The following GLRA3 variants were observed in gnomAD, a reference collection of about 807,000 sequenced individuals.
The protein encoded by GLRA3 is glycine receptor alpha 3.
Under a neutral mutation model 60.4 loss-of-function variants are expected in GLRA3, and 44 were observed. The observed-to-expected ratio is 0.73, with a 90% CI of 0.57 to 0.94. The LOEUF (loss-of-function observed/expected upper bound fraction) is 0.94. Among genes scored for constraint, GLRA3 ranks in the 40% least tolerant of loss-of-function variants. GLRA3 has a pLI of 0.00. For synonymous variants in GLRA3, 223 were observed against 192.9 expected, an observed-to-expected ratio of 1.16 and a Z score of -1.29; for missense variants, 508 against 564.6, an observed-to-expected ratio of 0.90 and a Z score of 1.02.
rs1735436724 is a variant in GLRA3 at position 174,704,320 on chromosome 4, TA to T, written c.574+11167del. ...AAAAAATGGTGACAGCTCTGAGTAG[TA>T]AAGAATAGCAGCAAATGGCAGGATC... is the stretch of plus-strand genomic sequence containing the variant. On this transcript the variant is annotated intron_variant, in intron 5 of 9. Transcript: ENST00000274093. 1.4e-5 allele frequency among the ~76,000 whole-genome samples: 2 copies of T among 142,748 alleles called. 1 individual carries two copies. The highest frequency in any genetic ancestry group is 3.1e-5 in the Non-Finnish European group (2 of 64,384). 93.6% of individuals were successfully genotyped at this position (142,748 alleles called of 152,430 possible). A position where few individuals can be genotyped will look rare whatever the true frequency, so the allele number is the denominator to read the frequency against.
chr4:174,759,330 C>T (rs1231558860), intron 3 of GLRA3, among the ~76,000 whole-genome samples: 1 of 150,656 alleles, frequency 6.6e-6, no homozygotes, highest in African/African-American at 2.4e-5. Context: ...TAAAAAATAA[C>T]TAAAAGGTTA....
rs1481880859 is a variant in GLRA3 at position 174,677,289 on chromosome 4, T to C, written c.716A>G (p.Lys239Arg). The C allele has an allele frequency of 1.3e-6, 2 of 1,587,260 alleles. No homozygotes were observed. The change falls in exon 7 of 10, where the codon AAG becomes AGG. Residue 239 changes from lysine (K) to arginine (R), a missense_variant. By Grantham distance (26) the Lys-to-Arg change is conservative. Around this residue, in one of 3 missense-constraint regions of GLRA3, gnomAD observed 329 missense variants for 349.3 expected, o/e 0.94. Coordinates refer to ENST00000274093, the MANE Select transcript of GLRA3 (RefSeq NM_006529.4). ...RYCTKHYNTG[K>R]FTCIEVRFHL... ...GAATCGCACTTCTATACACGTAAAC[T>C]TTCCTAATTGGTGGTAAGGTAAATA...
chr4:174,675,897 T>C (rs1734099729), intron 7 of GLRA3, among the ~76,000 whole-genome samples: 2 of 152,148 alleles, frequency 1.3e-5, no homozygotes, highest in Admixed American at 1.3e-4. Flanking sequence ...TAGAATGAAC[T>C]AATAGAAAGG....
intron 7 of GLRA3, among the ~76,000 whole-genome samples, chr4:174,673,556 G>GGTA (rs1296442636): frequency 6.6e-6 from 1 of 152,066 alleles, no homozygotes; most frequent in Non-Finnish European, 1.5e-5. Flanking sequence ...TCTGTTTATG[G>GGTA]GTAGGGATAG....
intron 5 of GLRA3, 31 bp downstream of exon 5, chr4:174,715,457 G>C: frequency 1.0e-6 from 1 of 991,726 alleles, no homozygotes; most frequent in Non-Finnish European, 1.6e-6. Context: ...TAATGTAAAA[G>C]TATTTTAAAA....
intron 1 of GLRA3, among the ~76,000 whole-genome samples, chr4:174,822,745 T>C (rs1273150132): frequency 1.3e-5 from 2 of 152,190 alleles, no homozygotes; most frequent in African/African-American, 4.8e-5. Flanking sequence ...TCATGGAGAA[T>C]TCTTCATCGC....
At position 174,773,456 on chromosome 4, in the gene GLRA3, G is replaced by GA. The variant is rs555210995; in HGVS notation, c.200-6427dup. ...AAAAATTGTTCACTAGGCAGACCTA[G>GA]AGCAAGTAAGAAAACAAACAAACAA... On this transcript the variant is annotated intron_variant, in intron 2 of 9. Transcript: ENST00000274093. 8.6e-3 allele frequency among the ~76,000 whole-genome samples: 1,152 copies of GA among 133,348 alleles called. 18 individuals carry two copies. Among genetic ancestry groups the GA allele is most frequent in the African/African-American group, 0.029 (1,117 of 38,474 alleles). 87.5% of individuals were successfully genotyped at this position (133,348 alleles called of 152,430 possible). A position where few individuals can be genotyped will look rare whatever the true frequency, so the allele number is the denominator to read the frequency against.
At chr4:174,719,185 G>C (rs867723011) in intron 4 of GLRA3, among the ~76,000 whole-genome samples, 16 of 151,522 alleles carry the variant, frequency 1.1e-4, no homozygotes, top group East Asian at 3.9e-4. Context: ...GGATGGTCTC[G>C]ATCTCCTGAC....
At chr4:174,692,902 T>C (rs1734910465) in intron 5 of GLRA3, among the ~76,000 whole-genome samples, 3 of 150,158 alleles carry the variant, frequency 2.0e-5, no homozygotes, top group African/African-American at 7.4e-5. Context: ...CCCTGCCAAA[T>C]TCCCCTCTGC....
At chr4:174,685,134 A>G (rs947824174) in intron 5 of GLRA3, among the ~76,000 whole-genome samples, 4 of 152,202 alleles carry the variant, frequency 2.6e-5, no homozygotes, top group African/African-American at 9.6e-5. Context: ...AGAAGAGGCT[A>G]TGTGAGTGAC....
chr4:174,644,196 TAAAG>T, intron 9 of GLRA3, 132 bp from the exon 10 acceptor site: 1 of 627,484 alleles, frequency 1.6e-6, no homozygotes, highest in Non-Finnish European at 2.8e-6. Flanking sequence ...CCGAAGCATA[TAAAG>T]ATGAATTGGT....
intron 5 of GLRA3, among the ~76,000 whole-genome samples, chr4:174,690,790 C>T (rs11942827): frequency 0.43 from 64,592 of 151,972 alleles, 14,237 homozygotes; most frequent in Middle Eastern, 0.54. Flanking sequence ...ATTAGTTTGC[C>T]AAGGATAATA....
intron 1 of GLRA3, among the ~76,000 whole-genome samples, chr4:174,826,624 A>T (rs1389991019): frequency 1.3e-5 from 2 of 152,228 alleles, no homozygotes; most frequent in African/African-American, 4.8e-5. Flanking sequence ...TGACATAAAA[A>T]GTCTGTACTA....
At chr4:174,821,293 G>A (rs1438486226) in intron 1 of GLRA3, among the ~76,000 whole-genome samples, 3 of 152,092 alleles carry the variant, frequency 2.0e-5, no homozygotes, top group African/African-American at 7.2e-5. Context: ...ATGCTTTTAA[G>A]GCTAACTTAT....
chr4:174,643,915 G>A lies in GLRA3; in HGVS notation c.1266C>T (p.Ile422=), dbSNP rs142571571. Residue 422 remains isoleucine (I), a synonymous_variant, in exon 10 of 10, where the codon ATC becomes ATT. Transcript: ENST00000274093. ...KSPDEMRKVF[I]DRAKKIDTIS... ...TGGTATCAATCTTCTTGGCCCGGTC[G>A]ATAAAGACCTTCCTCATTTCATCAG... 8.2e-5 allele frequency: 133 copies of A among 1,614,030 alleles called. 1 individual carries two copies. In the African/African-American group the frequency reaches 1.6e-3, roughly 19 times the overall value.
At chr4:174,808,700 G>A (rs1740145165) in intron 1 of GLRA3, among the ~76,000 whole-genome samples, 1 of 152,048 alleles carries the variant, frequency 6.6e-6, no homozygotes, top group South Asian at 2.1e-4. Flanking sequence ...ACAAGATGTG[G>A]AGGTGGAAGA....
chr4:174,724,696 C>A (rs1460142181), intron 4 of GLRA3, among the ~76,000 whole-genome samples: 4 of 152,010 alleles, frequency 2.6e-5, no homozygotes, highest in Admixed American at 1.3e-4. Context: ...ACCATACTTT[C>A]CAGGCAGATT....
At chr4:174,815,577 C>T (rs1740459411) in intron 1 of GLRA3, among the ~76,000 whole-genome samples, 1 of 152,224 alleles carries the variant, frequency 6.6e-6, no homozygotes, top group Admixed American at 6.5e-5. Context: ...GGTTCCCAAA[C>T]ATCAGTTCTT....
chr4:174,794,758 T>C (rs1049780778), intron 1 of GLRA3, among the ~76,000 whole-genome samples: 1 of 152,190 alleles, frequency 6.6e-6, no homozygotes, highest in African/African-American at 2.4e-5. Flanking sequence ...ATAACTGCTT[T>C]CCTGAAATTT....
Sources: gnomAD v4.1 joint callset for allele counts (sites outside exome capture counted in the v4.1 genomes callset) on GRCh38, gnomAD v4.1.1 for gene constraint, gnomAD v4.1.1 regional missense constraint, MANE v1.5 for transcripts, NCBI Gene and HGNC (gene_info 2026-07-23, HGNC 2026-07-21) for gene names.